Variants in PDE3B observed in about 807,000 individuals in gnomAD.
PDE3B encodes the protein cGMP-inhibited 3',5'-cyclic phosphodiesterase 3B.
A neutral mutation model predicts 116.8 loss-of-function variants in PDE3B; 66 were observed. That is an observed-to-expected ratio of 0.56 (90% CI 0.46 to 0.69). The LOEUF (loss-of-function observed/expected upper bound fraction) is 0.69. Ranked by LOEUF, PDE3B falls within the 30% of genes least tolerant of loss-of-function variation. PDE3B has a pLI of 0.00. For missense variants in PDE3B, 1,384 were observed against 1,368.1 expected, an observed-to-expected ratio of 1.01 and a Z score of -0.18; for synonymous variants, 595 against 533.6, an observed-to-expected ratio of 1.12 and a Z score of -1.59.
At position 14,763,864 on chromosome 11, in the gene PDE3B, C is replaced by T. The variant is rs113582952; in HGVS notation, c.979-8073C>T. Among the ~76,000 whole-genome samples the T allele has an allele frequency of 2.9e-3, 439 of 152,078 alleles. 3 individuals are homozygous for T. The highest frequency in any genetic ancestry group is 9.8e-3 in the African/African-American group (407 of 41,502). ...AGGAATGAAATTGGAGGGAGATAAA[C>T]CTGGGTTTAGATTTTAGCTCTGCCA... On this transcript the variant is annotated intron_variant, in intron 1 of 15. Coordinates refer to ENST00000282096, the MANE Select transcript of PDE3B (RefSeq NM_000922.4).
chr11:14,835,342 G>A (rs1860020556), intron 11 of PDE3B, among the ~76,000 whole-genome samples: 1 of 151,984 alleles, frequency 6.6e-6, no homozygotes, highest in Non-Finnish European at 1.5e-5. Context: ...AGTACTGCTG[G>A]ATCTATCATG....
chr11:14,689,076 A>C (rs977186646), intron 1 of PDE3B, among the ~76,000 whole-genome samples: 1 of 152,160 alleles, frequency 6.6e-6, no homozygotes, highest in Non-Finnish European at 1.5e-5. Context: ...TGCGTCCCAC[A>C]TATTTGTTTT....
chr11:14,826,716 G>A (rs1590175934), intron 7 of PDE3B, among the ~76,000 whole-genome samples: 1 of 151,982 alleles, frequency 6.6e-6, no homozygotes, highest in East Asian at 1.9e-4. Context: ...AAGAAGAGCT[G>A]GTACTATTTA....
At chr11:14,731,259 T>A (rs1856449450) in intron 1 of PDE3B, among the ~76,000 whole-genome samples, 1 of 148,610 alleles carries the variant, frequency 6.7e-6, no homozygotes, top group South Asian at 2.1e-4. Context: ...ACTTTGATTT[T>A]TTTTTTTTTT....
intron 1 of PDE3B, among the ~76,000 whole-genome samples, chr11:14,725,835 CT>C (rs1009610806): frequency 9.2e-5 from 14 of 151,686 alleles, no homozygotes; most frequent in Non-Finnish European, 2.1e-4. Context: ...CCCATATAAT[CT>C]GGTATTCACA....
chr11:14,764,462 A>G (rs1857442510), intron 1 of PDE3B, among the ~76,000 whole-genome samples: 1 of 152,114 alleles, frequency 6.6e-6, no homozygotes, highest in Non-Finnish European at 1.5e-5. Context: ...CATATATAAA[A>G]TGAGGCTACC....
At chr11:14,863,509 C>T (rs567265779) in intron 14 of PDE3B, among the ~76,000 whole-genome samples, 8 of 152,068 alleles carry the variant, frequency 5.3e-5, no homozygotes, top group Non-Finnish European at 1.2e-4. Flanking sequence ...TCATTGGATT[C>T]CCCAGGGTTG....
At position 14,653,743 on chromosome 11, in the gene PDE3B, A is replaced by G. The variant is rs369269113; in HGVS notation, c.978+8690A>G. On this transcript the variant is annotated intron_variant, in intron 1 of 15. Coordinates refer to ENST00000282096, the MANE Select transcript of PDE3B (RefSeq NM_000922.4). Reference sequence around the variant, plus strand: ...GCCGAGTGTGGTGGTTCATGCTTGTAATCTCAGCACTTTGGGAGGCCGAGG... The same window carrying G: ...GCCGAGTGTGGTGGTTCATGCTTGTGATCTCAGCACTTTGGGAGGCCGAGG... Among the ~76,000 whole-genome samples, 5 of 152,240 alleles carry G rather than the reference A, an allele frequency of 3.3e-5. No homozygotes were observed. In the East Asian group the frequency reaches 9.6e-4, roughly 29 times the overall value.
intron 11 of PDE3B, among the ~76,000 whole-genome samples, chr11:14,843,041 A>G (rs1166302757): frequency 6.6e-6 from 1 of 152,204 alleles, no homozygotes; most frequent in Non-Finnish European, 1.5e-5. Flanking sequence ...TACTTTAAAT[A>G]TAGTTTCTTT....
intron 4 of PDE3B, 49 bp from the exon 5 acceptor site, chr11:14,803,895 A>G (rs1438652397): frequency 1.5e-5 from 16 of 1,059,266 alleles, no homozygotes; most frequent in Non-Finnish European, 2.2e-5. Flanking sequence ...AAAAAAGGTG[A>G]AACTTTTCCT....
intron 1 of PDE3B, among the ~76,000 whole-genome samples, chr11:14,736,346 T>C (rs1856599900): frequency 6.6e-6 from 1 of 152,204 alleles, no homozygotes; most frequent in African/African-American, 2.4e-5. Flanking sequence ...GGGTTTTCTG[T>C]GAATTAATAA....
At chr11:14,693,126 C>G (rs1276814987) in intron 1 of PDE3B, among the ~76,000 whole-genome samples, 2 of 152,164 alleles carry the variant, frequency 1.3e-5, no homozygotes, top group Admixed American at 1.3e-4. Flanking sequence ...CAGATCCAGG[C>G]CCTAACTCTC....
At chr11:14,711,905 C>T (rs1402570455) in intron 1 of PDE3B, among the ~76,000 whole-genome samples, 2 of 152,172 alleles carry the variant, frequency 1.3e-5, no homozygotes, top group African/African-American at 4.8e-5. Flanking sequence ...GGTTTGAGAA[C>T]ATGTCAGGGA....
At chr11:14,663,389 A>G (rs1854005121) in intron 1 of PDE3B, among the ~76,000 whole-genome samples, 1 of 152,210 alleles carries the variant, frequency 6.6e-6, no homozygotes, top group African/African-American at 2.4e-5. Context: ...GCTAGGAAGA[A>G]ACTGCATCAA....
intron 14 of PDE3B, among the ~76,000 whole-genome samples, chr11:14,864,131 G>GA (rs1260357543): frequency 1.3e-5 from 2 of 151,296 alleles, no homozygotes; most frequent in Non-Finnish European, 3.0e-5. Context: ...AATGGAAAGC[G>GA]AAAAAAAAGC....
rs530978342 is a variant in PDE3B at position 14,756,909 on chromosome 11, G to A, written c.979-15028G>A. ...GCTGGTGTGCTGCACCCACTAACTCGTCATCTAGCATTAGGTATATCTCCC... is the reference window on the plus strand; with the variant it reads ...GCTGGTGTGCTGCACCCACTAACTCATCATCTAGCATTAGGTATATCTCCC... On this transcript the variant is annotated intron_variant, in intron 1 of 15. Transcript: ENST00000282096. 4.6e-4 allele frequency among the ~76,000 whole-genome samples: 68 copies of A among 148,522 alleles called. 1 individual carries two copies. Among genetic ancestry groups the A allele is most frequent in the African/African-American group, 1.6e-3 (65 of 40,186 alleles).
At chr11:14,825,909 G>C (rs1403888719) in intron 7 of PDE3B, among the ~76,000 whole-genome samples, 1 of 152,044 alleles carries the variant, frequency 6.6e-6, no homozygotes, top group Non-Finnish European at 1.5e-5. Flanking sequence ...CTGAAGTCAT[G>C]CCAAACATAC....
At chr11:14,726,426 A>G (rs965208461) in intron 1 of PDE3B, among the ~76,000 whole-genome samples, 1 of 152,152 alleles carries the variant, frequency 6.6e-6, no homozygotes, top group Non-Finnish European at 1.5e-5. Context: ...GAATGAATGA[A>G]TATATAAGTC....
In PDE3B at chr11:14,843,911, T is replaced by C. The variant is rs1847528831; in HGVS notation, c.2405T>C (p.Leu802Pro). 2.5e-6 allele frequency: 4 copies of C among 1,613,976 alleles called. No individual in the cohort carries two copies. The highest frequency in any genetic ancestry group is 3.4e-6 in the Non-Finnish European group (4 of 1,179,938). Reference protein sequence around the residue: ...CSNPDESYGCLSSNIPALELM... With the variant: ...CSNPDESYGCPSSNIPALELM... ...AATCCTGATGAGAGTTATGGCTGCC[T>C]GTCTTCAAACATTCCTGCATTAGAA... The change falls in exon 12 of 16, where the codon CTG becomes CCG. Residue 802 changes from leucine to proline, a missense_variant. Coordinates refer to ENST00000282096, the MANE Select transcript of PDE3B (RefSeq NM_000922.4).
Sources: gnomAD v4.1 joint callset for allele counts (sites outside exome capture counted in the v4.1 genomes callset) on GRCh38, gnomAD v4.1.1 for gene constraint, MANE v1.5 for transcripts, NCBI Gene and HGNC (gene_info 2026-07-23, HGNC 2026-07-21) for gene names.